The following MIER1 variants were observed in gnomAD, a reference collection of about 807,000 sequenced individuals.
MIER1 encodes MIER1 transcriptional regulator.
Under a neutral mutation model 75.7 loss-of-function variants are expected in MIER1, and 40 were observed. The ratio of observed to expected loss-of-function variants is 0.53; its 90% CI spans 0.41 to 0.69. The LOEUF (loss-of-function observed/expected upper bound fraction) is 0.69, where lower values mean the gene tolerates loss of function less well. MIER1 is among the 30% of genes least tolerant of loss of function. MIER1 has a pLI of 0.00. For synonymous variants in MIER1, 213 were observed against 223.4 expected (o/e 0.95, Z 0.42); for missense variants, 574 against 680.2 (o/e 0.84, Z 1.74).
chr1:66,926,655 C>G (rs1651871023), intron 2 of MIER1, among the ~76,000 whole-genome samples: 1 of 152,100 alleles, frequency 6.6e-6, no homozygotes, highest in Non-Finnish European at 1.5e-5. Context: ...TAGTAATTAT[C>G]CATAAAATTT....
Position 66,986,062 on chromosome 1 carries a change from G to A in MIER1, c.*1162G>A, listed in dbSNP as rs895413056. On this transcript the variant is annotated 3_prime_UTR_variant, in exon 14 of 14. Coordinates refer to ENST00000401041, the MANE Select transcript of MIER1 (RefSeq NM_001077700.3). ...CTGCATTAAATAAACAGAGGAGGGG[G>A]GTCAAGTGATACTTAGATATTGGCA... The A allele has an allele frequency of 8.5e-5, 87 of 1,019,876 alleles. No individual in the cohort carries two copies. The highest frequency in any genetic ancestry group is 1.0e-4 in the Non-Finnish European group (86 of 853,022). The allele number at this position is 1,019,876 out of a possible 1,614,324, so 63.2% of individuals were successfully genotyped here.
chr1:66,925,392 C>T (rs931674056), intron 1 of MIER1: 14 of 985,490 alleles, frequency 1.4e-5, no homozygotes, highest in Non-Finnish European at 1.7e-5. Flanking sequence ...GTGAGTTCGC[C>T]TCGCCCCGTT....
At chr1:66,968,103 G>T (rs1662801366) in intron 8 of MIER1, among the ~76,000 whole-genome samples, 1 of 152,106 alleles carries the variant, frequency 6.6e-6, no homozygotes, top group Non-Finnish European at 1.5e-5. Flanking sequence ...TCAGGGACGA[G>T]TGATTTATGA....
chr1:66,957,994 G>T, intron 4 of MIER1, 65 bp from the exon 5 acceptor site: 3 of 1,021,142 alleles, frequency 2.9e-6, no homozygotes, highest in South Asian at 2.0e-5. Context: ...CAGATTTGTG[G>T]ATTATAGCCT....
chr1:66,933,475 A>C (rs1201749010), intron 2 of MIER1, among the ~76,000 whole-genome samples: 1 of 152,192 alleles, frequency 6.6e-6, no homozygotes. Flanking sequence ...CAAAGAGGGT[A>C]TATAATCTGT....
At position 66,926,218 on chromosome 1, in the gene MIER1, T is replaced by C; in HGVS notation, c.144T>C (p.Asn48=). 6.2e-7 allele frequency: 1 copy of C among 1,613,826 alleles called. No homozygotes were observed. The part of the protein sequence containing the change: ...TWLRTNWLRF[N]ADKTDVMLPS... ...TAAGAACCAACTGGTTGAGGTTCAA[T>C]GCAGACAAGACGGATGTGATGCTGG... The change falls in exon 2 of 14, where the codon AAT becomes AAC. Residue 48 remains asparagine (N), a synonymous_variant. Coordinates refer to ENST00000401041, the MANE Select transcript of MIER1 (RefSeq NM_001077700.3).
At position 66,988,117 on chromosome 1, in the gene MIER1, G is replaced by GT. The variant is rs1667013778; in HGVS notation, c.*3218dup. On this transcript the variant is annotated 3_prime_UTR_variant, in exon 14 of 14. Transcript: ENST00000401041. ...ATATAATAGGCAATATTTACATGGG[G>GT]TGTGTAACTAAATACCAAATCAGAT... 9.2e-6 allele frequency: 1 copy of GT among 108,880 alleles called. No individual in the cohort carries two copies. The highest frequency in any genetic ancestry group is 2.2e-5 in the Non-Finnish European group (1 of 45,562). The allele number at this position is 108,880 out of a possible 1,614,324, so 6.7% of individuals were successfully genotyped here.
At chr1:66,946,595 T>C in intron 4 of MIER1, 1 of 1,039,240 alleles carries the variant, frequency 9.6e-7, no homozygotes, top group Non-Finnish European at 1.2e-6. Context: ...CACGGCCTCA[T>C]ATATCCTTTG....
chr1:66,941,645 A>C (rs959776118), intron 3 of MIER1, among the ~76,000 whole-genome samples: 11 of 152,312 alleles, frequency 7.2e-5, no homozygotes, highest in Non-Finnish European at 1.3e-4. Context: ...GAATCAGCCT[A>C]GGCTGAACTG....
rs1666696390 is a variant in MIER1, at chr1:66,985,813, A to AT, written c.*913_*914insT. 4.1e-6 allele frequency: 3 copies of AT among 738,748 alleles called. No homozygotes were observed. The highest frequency in any genetic ancestry group is 4.8e-6 in the Non-Finnish European group (3 of 623,328). The allele number at this position is 738,748 out of a possible 1,614,324, so 45.8% of individuals were successfully genotyped here. On this transcript the variant is annotated 3_prime_UTR_variant, in exon 14 of 14. Coordinates refer to ENST00000401041, the MANE Select transcript of MIER1 (RefSeq NM_001077700.3). ...TTAAAGCATTCATAAAGGATTATAA[A>AT]ATTTTTTTTTTTTTTTTTTTTTTTA... is the stretch of plus-strand genomic sequence containing the variant.
chr1:66,973,005 A>G lies in MIER1; in HGVS notation c.1101+14A>G, dbSNP rs998642651. ...CAGGCTAATAAAGTAAGTAATGATA[A>G]TCTCTTTTTTGCAAAAAGAAATTTA... On this transcript the variant is annotated intron_variant, in intron 11 of 13. Transcript: ENST00000401041. The G allele has an allele frequency of 1.3e-6, 2 of 1,491,396 alleles. No homozygotes were observed. Among genetic ancestry groups the G allele is most frequent in the African/African-American group, 1.4e-5 (1 of 72,238 alleles). 92.4% of individuals were successfully genotyped at this position (1,491,396 alleles called of 1,614,324 possible).
In MIER1 at chr1:66,988,225, T is replaced by A. The variant is rs1245998337; in HGVS notation, c.*3325T>A. ...TGTAACATACAGAAGAACAGGAGTT[T>A]CCAAATTTTAACCTTTTATTCTAAA... On this transcript the variant is annotated 3_prime_UTR_variant, in exon 14 of 14. Transcript: ENST00000401041. 6.6e-6 allele frequency: 1 copy of A among 152,314 alleles called. No homozygotes were observed. The highest frequency in any genetic ancestry group is 1.5e-5 in the Non-Finnish European group (1 of 68,028). 9.4% of individuals were successfully genotyped at this position (152,314 alleles called of 1,614,324 possible).
intron 3 of MIER1, among the ~76,000 whole-genome samples, chr1:66,941,787 A>G (rs1359384299): frequency 1.3e-5 from 2 of 152,154 alleles, no homozygotes; most frequent in Non-Finnish European, 2.9e-5. Context: ...CCTGGCCAAC[A>G]TGGTGAAATC....
chr1:66,979,747 G>A (rs1665512460), intron 12 of MIER1, among the ~76,000 whole-genome samples: 2 of 147,660 alleles, frequency 1.4e-5, no homozygotes. Context: ...ATCAACTCTT[G>A]TTTCCTTTGC....
chr1:66,985,024 C>T lies in MIER1; in HGVS notation c.*124C>T. 7.1e-7 allele frequency: 1 copy of T among 1,401,316 alleles called. No homozygotes were observed. The highest frequency in any genetic ancestry group is 1.5e-5 in the African/African-American group (1 of 68,134). The allele number at this position is 1,401,316 out of a possible 1,614,324, so 86.8% of individuals were successfully genotyped here. On this transcript the variant is annotated 3_prime_UTR_variant, in exon 14 of 14. Transcript: ENST00000401041. ...TTTGAAAATTTGAATTGAGTCTTAA[C>T]TTTAGGAAATGAGGTTTCATAATTC...
rs1553256847 is a variant in MIER1 at position 66,978,209 on chromosome 1, A to AAAAAG, written c.1229+1490_1229+1491insAGAAA. ...AAACTCCATCTCCAAAAAAAAAAAA[A>AAAAAG]AAAGATGTGCTTGTATGTTTATTTG... On this transcript the variant is annotated intron_variant, in intron 12 of 13. Coordinates refer to ENST00000401041, the MANE Select transcript of MIER1 (RefSeq NM_001077700.3). Among the ~76,000 whole-genome samples the AAAAAG allele has an allele frequency of 3.7e-3, 553 of 149,566 alleles. 3 individuals are homozygous for AAAAAG. The highest frequency in any genetic ancestry group is 0.012 in the African/African-American group (493 of 40,970).
Position 66,926,227 on chromosome 1 carries a change from G to A in MIER1, c.153G>A (p.Lys51=). 1 of 1,613,358 alleles carries A rather than the reference G, an allele frequency of 6.2e-7. No homozygotes were observed. Among genetic ancestry groups the A allele is most frequent in the African/African-American group, 1.3e-5 (1 of 75,026 alleles). The change falls in exon 2 of 14, where the codon AAG becomes AAA. Residue 51 remains lysine (K), a synonymous_variant. Coordinates refer to ENST00000401041, the MANE Select transcript of MIER1 (RefSeq NM_001077700.3). ...RTNWLRFNAD[K]TDVMLPSVES... is the part of the protein sequence containing the mutation. ...ACTGGTTGAGGTTCAATGCAGACAA[G>A]ACGGATGTGATGCTGGTAGGCAGGG... is the stretch of plus-strand genomic sequence containing the variant.
intron 4 of MIER1, among the ~76,000 whole-genome samples, chr1:66,957,587 G>GTTT (rs770503779): frequency 1.0e-3 from 102 of 99,232 alleles, no homozygotes; most frequent in East Asian, 3.2e-3. Context: ...GTTTGTTTGT[G>GTTT]TTTTTTTTTT....
chr1:66,941,645 A>T (rs959776118), intron 3 of MIER1, among the ~76,000 whole-genome samples: 1 of 152,194 alleles, frequency 6.6e-6, no homozygotes, highest in Non-Finnish European at 1.5e-5. Flanking sequence ...GAATCAGCCT[A>T]GGCTGAACTG....
Sources: allele counts gnomAD v4.1 joint callset (sites outside exome capture counted in the v4.1 genomes callset), GRCh38; gene constraint gnomAD v4.1.1; transcripts MANE v1.5; gene names NCBI Gene and HGNC (gene_info 2026-07-23, HGNC 2026-07-21).